Variants in CAPN9 observed in about 807,000 individuals in gnomAD.
CAPN9 encodes calpain-9.
CAPN9 carries 81 observed loss-of-function variants against 92.8 expected under a neutral mutation model. The observed-to-expected ratio is 0.87, with a 90% CI of 0.73 to 1.05. The LOEUF (loss-of-function observed/expected upper bound fraction) is 1.05, where lower values mean the gene tolerates loss of function less well. CAPN9 is among the 50% of genes least tolerant of loss of function. The pLI is 0.00. For missense variants in CAPN9, 848 were observed against 866.2 expected, an observed-to-expected ratio of 0.98 and a Z score of 0.26; for synonymous variants, 304 against 328.0, an observed-to-expected ratio of 0.93 and a Z score of 0.79.
intron 11 of CAPN9, among the ~76,000 whole-genome samples, chr1:230,784,164 A>C (rs777001015): frequency 6.6e-6 from 1 of 152,218 alleles, no homozygotes; most frequent in Non-Finnish European, 1.5e-5. Context: ...GATATGACTT[A>C]AAGCTGGAAT....
intron 6 of CAPN9, among the ~76,000 whole-genome samples, chr1:230,770,439 A>G (rs1358174438): frequency 6.6e-6 from 1 of 152,198 alleles, no homozygotes; most frequent in Non-Finnish European, 1.5e-5. Context: ...GTCACCCAGA[A>G]GCACCCTTGC....
In CAPN9 at chr1:230,779,134, G is replaced by A. The variant is rs1391757208; in HGVS notation, c.1114+1G>A. Reference sequence around the variant, plus strand: ...GCTGGGGGCTGCCGCAATTTCCTGGGTAGGTAGGCTGCCTGTCACTCTCTC... The same window carrying A: ...GCTGGGGGCTGCCGCAATTTCCTGGATAGGTAGGCTGCCTGTCACTCTCTC... On this transcript the variant is annotated splice_donor_variant, in intron 9 of 19. Coordinates refer to ENST00000271971, the MANE Select transcript of CAPN9 (RefSeq NM_006615.3). LOFTEE classifies it high-confidence loss of function. The A allele has an allele frequency of 6.2e-7, 1 of 1,611,942 alleles. No individual in the cohort carries two copies. Among genetic ancestry groups the A allele is most frequent in the Non-Finnish European group, 8.5e-7 (1 of 1,179,716 alleles).
intron 13 of CAPN9, among the ~76,000 whole-genome samples, chr1:230,788,234 A>C (rs1667742685): frequency 6.6e-6 from 1 of 152,074 alleles, no homozygotes; most frequent in African/African-American, 2.4e-5. Flanking sequence ...CTGCCATTAG[A>C]ATACTCTGTT....
At chr1:230,793,315 C>A (rs1275185941) in intron 17 of CAPN9, among the ~76,000 whole-genome samples, 1 of 152,176 alleles carries the variant, frequency 6.6e-6, no homozygotes, top group Admixed American at 6.5e-5. Context: ...TGGTTGTTAT[C>A]GTGGATGAGA....
intron 2 of CAPN9, among the ~76,000 whole-genome samples, chr1:230,758,966 A>G (rs1294773996): frequency 6.6e-6 from 1 of 152,242 alleles, no homozygotes. Context: ...GTGTGTTAAC[A>G]TGAAGACACA....
intron 2 of CAPN9, among the ~76,000 whole-genome samples, chr1:230,757,832 G>T (rs921012091): frequency 6.6e-6 from 1 of 152,064 alleles, no homozygotes; most frequent in Non-Finnish European, 1.5e-5. Flanking sequence ...GGAGCATGGC[G>T]AGAGGGAGGT....
rs200401992 is a variant in CAPN9 at position 230,779,051 on chromosome 1, C to T, written c.1032C>T (p.Asp344=). Residue 344 remains aspartate (D), a synonymous_variant, in exon 9 of 20, where the codon GAC becomes GAT. Transcript: ENST00000271971. The part of the protein sequence containing the change: ...CNLTPDALEE[D]AIHKWEVTVH... Reference sequence around the variant, plus strand: ...TCACTCCCGATGCCCTGGAGGAAGACGCGATCCACAAATGGGAGGTGACGG... The same window carrying T: ...TCACTCCCGATGCCCTGGAGGAAGATGCGATCCACAAATGGGAGGTGACGG... 26 of 1,613,568 alleles carry T rather than the reference C, an allele frequency of 1.6e-5. No individual in the cohort carries two copies. Among genetic ancestry groups the T allele is most frequent in the African/African-American group, 5.3e-5 (4 of 74,876 alleles).
intron 1 of CAPN9, among the ~76,000 whole-genome samples, chr1:230,754,566 C>G (rs1001510048): frequency 6.6e-6 from 1 of 150,670 alleles, no homozygotes; most frequent in Non-Finnish European, 1.5e-5. Flanking sequence ...CCTTGGGAAT[C>G]CAAGGCGGGA....
intron 3 of CAPN9, 123 bp downstream of exon 3, chr1:230,759,753 C>T (rs1665515852): frequency 1.3e-5 from 7 of 554,926 alleles, no homozygotes; most frequent in Admixed American, 7.7e-5. Context: ...ACATATGGTC[C>T]TAAACCATGC....
intron 6 of CAPN9, among the ~76,000 whole-genome samples, chr1:230,771,755 C>T (rs546530623): frequency 6.6e-6 from 1 of 152,350 alleles, no homozygotes; most frequent in Admixed American, 6.5e-5. Flanking sequence ...TACTTTACTT[C>T]CCAGATGTGG....
chr1:230,763,384 T>C (rs1572029154), intron 4 of CAPN9, among the ~76,000 whole-genome samples: 1 of 152,330 alleles, frequency 6.6e-6, no homozygotes, highest in East Asian at 1.9e-4. Context: ...TCTGTCCCTA[T>C]TAACAAATAA....
At chr1:230,751,019 C>T (rs1664725644) in intron 1 of CAPN9, among the ~76,000 whole-genome samples, 1 of 152,184 alleles carries the variant, frequency 6.6e-6, no homozygotes, top group Admixed American at 6.5e-5. Flanking sequence ...CCATGCAGTC[C>T]ATCCCTCCTT....
chr1:230,762,806 G>A lies in CAPN9; in HGVS notation c.536+20G>A, dbSNP rs745946152. 4 of 1,611,274 alleles carry A rather than the reference G, an allele frequency of 2.5e-6. No individual in the cohort carries two copies. The African/African-American group carries it at 5.3e-5, about 22-fold the overall frequency. ...CGCCAAGTGAGTGACAGCTTCCCCA[G>A]CTCAGGCAGCCTCCCGACAGGAGTC... On this transcript the variant is annotated intron_variant, in intron 4 of 19. Coordinates refer to ENST00000271971, the MANE Select transcript of CAPN9 (RefSeq NM_006615.3).
At chr1:230,750,037 T>C (rs74813928) in intron 1 of CAPN9, among the ~76,000 whole-genome samples, 2,337 of 152,306 alleles carry the variant, frequency 0.015, 70 homozygotes, top group African/African-American at 0.053. Context: ...TCTCCCCTCC[T>C]GGGACCAGGG....
At chr1:230,759,431 C>A in intron 2 of CAPN9, 81 bp from the exon 3 acceptor site, 2 of 976,376 alleles carry the variant, frequency 2.0e-6, no homozygotes, top group Non-Finnish European at 3.1e-6. Context: ...TGAAACTCCC[C>A]ACATCCCCTT....
At chr1:230,754,237 T>C (rs1350780413) in intron 1 of CAPN9, among the ~76,000 whole-genome samples, 2 of 152,154 alleles carry the variant, frequency 1.3e-5, no homozygotes, top group Non-Finnish European at 2.9e-5. Context: ...ATGTCAGGAA[T>C]GGAGCCCAGC....
At chr1:230,777,557 A>C (rs1237898961) in intron 8 of CAPN9, among the ~76,000 whole-genome samples, 1 of 151,914 alleles carries the variant, frequency 6.6e-6, no homozygotes, top group Non-Finnish European at 1.5e-5. Flanking sequence ...GCAAAGAAAA[A>C]AAAAGCCTCT....
At chr1:230,750,101 T>C (rs1664670424) in intron 1 of CAPN9, among the ~76,000 whole-genome samples, 1 of 152,158 alleles carries the variant, frequency 6.6e-6, no homozygotes. Flanking sequence ...TCCAAGGGGC[T>C]GTCTTCCTTA....
At chr1:230,781,178 T>C (rs1364645117) in intron 11 of CAPN9, among the ~76,000 whole-genome samples, 6 of 152,230 alleles carry the variant, frequency 3.9e-5, no homozygotes, top group African/African-American at 1.2e-4. Flanking sequence ...TGCAGGACAC[T>C]TTCTTAGCTT....
Sources: allele counts gnomAD v4.1 joint callset (sites outside exome capture counted in the v4.1 genomes callset), GRCh38; gene constraint gnomAD v4.1.1; transcripts MANE v1.5; gene names NCBI Gene and HGNC (gene_info 2026-07-23, HGNC 2026-07-21).